Variants in CDH12 observed in about 807,000 individuals in gnomAD.
CDH12 encodes the protein cadherin 12, also known as cadherin-12.
A neutral mutation model predicts 74.1 loss-of-function variants in CDH12; 41 were observed. The observed-to-expected ratio is 0.55, with a 90% confidence interval of 0.43 to 0.72. The LOEUF (loss-of-function observed/expected upper bound fraction) is 0.72. Among genes scored for constraint, CDH12 ranks in the 30% least tolerant of loss-of-function variants. The pLI is 0.00. For missense variants in CDH12, 945 were observed against 977.2 expected (o/e 0.97, Z 0.44); for synonymous variants, 399 against 355.0 (o/e 1.12, Z -1.39).
chr5:22,124,686 C>T (rs1437331762), intron 4 of CDH12, among the ~76,000 whole-genome samples: 3 of 152,146 alleles, frequency 2.0e-5, no homozygotes, highest in African/African-American at 7.2e-5. Context: ...ATGTATGGAT[C>T]CCATACTCTA....
At chr5:21,908,782 C>T (rs1579946035) in intron 6 of CDH12, among the ~76,000 whole-genome samples, 1 of 152,266 alleles carries the variant, frequency 6.6e-6, no homozygotes, top group African/African-American at 2.4e-5. Context: ...CTGTCACTGA[C>T]AATTCCCCAG....
intron 1 of CDH12, among the ~76,000 whole-genome samples, chr5:22,508,976 T>G (rs1323533703): frequency 6.6e-6 from 1 of 152,182 alleles, no homozygotes; most frequent in East Asian, 1.9e-4. Flanking sequence ...ACAAATATTT[T>G]CATTGATAAC....
At chr5:22,369,591 G>A (rs1741185031) in intron 3 of CDH12, among the ~76,000 whole-genome samples, 1 of 152,108 alleles carries the variant, frequency 6.6e-6, no homozygotes, top group African/African-American at 2.4e-5. Context: ...TAAAGTTTAT[G>A]TCATCAATTC....
At chr5:22,564,451 A>AT (rs1468619023) in intron 1 of CDH12, among the ~76,000 whole-genome samples, 11 of 152,170 alleles carry the variant, frequency 7.2e-5, no homozygotes, top group Non-Finnish European at 1.3e-4. Flanking sequence ...TTACCACCAC[A>AT]TTTTTAATAT....
intron 6 of CDH12, among the ~76,000 whole-genome samples, chr5:21,962,930 T>C (rs1376206860): frequency 3.9e-5 from 6 of 152,132 alleles, no homozygotes; most frequent in Non-Finnish European, 1.5e-5. Flanking sequence ...ATGTTAACCC[T>C]GCTCAGGTAT....
chr5:22,685,399 G>A (rs759003550), intron 1 of CDH12, among the ~76,000 whole-genome samples: 5 of 152,104 alleles, frequency 3.3e-5, no homozygotes, highest in East Asian at 1.9e-4. Context: ...CACCATGCCC[G>A]GCTAATTTTT....
In CDH12 at chr5:22,726,174, G is replaced by A. The variant is rs79839025; in HGVS notation, c.-523+126884C>T. On this transcript the variant is annotated intron_variant, in intron 1 of 14. Transcript: ENST00000382254. ...CATACAGAGTATTTCCACTACCTTC[G>A]AAATGCTCTGTTCTCCATGTATTCA... 1.3e-3 allele frequency among the ~76,000 whole-genome samples: 193 copies of A among 151,722 alleles called. 3 individuals are homozygous for A. In the East Asian group the frequency reaches 0.033, roughly 26 times the overall value.
At chr5:22,374,693 G>T (rs1478713694) in intron 3 of CDH12, among the ~76,000 whole-genome samples, 1 of 151,654 alleles carries the variant, frequency 6.6e-6, no homozygotes, top group Non-Finnish European at 1.5e-5. Context: ...AATCAAGAAG[G>T]CAATATCATT....
At chr5:22,461,460 G>T (rs1005906977) in intron 2 of CDH12, among the ~76,000 whole-genome samples, 2 of 147,184 alleles carry the variant, frequency 1.4e-5, no homozygotes. Context: ...CACATTATGA[G>T]TTATCTATAG....
chr5:22,055,826 T>C (rs935008414), intron 5 of CDH12, among the ~76,000 whole-genome samples: 1 of 152,106 alleles, frequency 6.6e-6, no homozygotes, highest in African/African-American at 2.4e-5. Context: ...ATATATTGAA[T>C]GCCCCATATA....
At chr5:22,516,264 C>T (rs1221827204) in intron 1 of CDH12, among the ~76,000 whole-genome samples, 2 of 151,898 alleles carry the variant, frequency 1.3e-5, no homozygotes, top group African/African-American at 4.8e-5. Flanking sequence ...AATAATTTGT[C>T]ACTATGTATA....
chr5:22,048,817 CAG>C (rs1302369005), intron 5 of CDH12, among the ~76,000 whole-genome samples: 2 of 151,980 alleles, frequency 1.3e-5, no homozygotes, highest in Non-Finnish European at 2.9e-5. Context: ...TATTTGCAGA[CAG>C]AGTTAGTAAT....
At chr5:22,819,921 T>G (rs1365242054) in intron 1 of CDH12, among the ~76,000 whole-genome samples, 9 of 147,450 alleles carry the variant, frequency 6.1e-5, no homozygotes, top group African/African-American at 2.2e-4. Context: ...AAATATATAT[T>G]TATATAGATG....
intron 3 of CDH12, among the ~76,000 whole-genome samples, chr5:22,285,251 C>G (rs1737083998): frequency 6.6e-6 from 1 of 151,962 alleles, no homozygotes; most frequent in Non-Finnish European, 1.5e-5. Flanking sequence ...AATTGTTTTT[C>G]CTTAAAATAA....
chr5:22,795,695 T>C (rs191868683), intron 1 of CDH12, among the ~76,000 whole-genome samples: 1 of 151,754 alleles, frequency 6.6e-6, no homozygotes, highest in East Asian at 2.0e-4. Flanking sequence ...GAAGCATACA[T>C]ACACTGTATG....
intron 1 of CDH12, among the ~76,000 whole-genome samples, chr5:22,720,113 T>C (rs1743800328): frequency 6.6e-6 from 1 of 152,072 alleles, no homozygotes; most frequent in South Asian, 2.1e-4. Context: ...TTTGGCTACA[T>C]GTCCCCACTC....
chr5:22,150,454 A>ATT (rs928100847), intron 4 of CDH12, among the ~76,000 whole-genome samples: 1 of 151,860 alleles, frequency 6.6e-6, no homozygotes, highest in Non-Finnish European at 1.5e-5. Context: ...AGCAAATGTA[A>ATT]TTATATATAT....
At chr5:21,934,924 C>T (rs1755008480) in intron 6 of CDH12, among the ~76,000 whole-genome samples, 2 of 152,212 alleles carry the variant, frequency 1.3e-5, no homozygotes, top group South Asian at 2.1e-4. Context: ...GTAACTGCGA[C>T]TACAGGCGCC....
At chr5:21,988,967 T>A (rs954519729) in intron 5 of CDH12, among the ~76,000 whole-genome samples, 3 of 152,150 alleles carry the variant, frequency 2.0e-5, no homozygotes, top group Admixed American at 1.3e-4. Flanking sequence ...AAGAATCCTA[T>A]ACATCTGCGT....
Sources: gnomAD v4.1 joint callset for allele counts (sites outside exome capture counted in the v4.1 genomes callset) on GRCh38, gnomAD v4.1.1 for gene constraint, MANE v1.5 for transcripts, NCBI Gene and HGNC (gene_info 2026-07-23, HGNC 2026-07-21) for gene names.